The following PAX5 variants were observed in gnomAD, a reference collection of about 807,000 sequenced individuals.
The protein encoded by PAX5 is paired box protein Pax-5.
PAX5 carries 9 observed loss-of-function variants against 43.7 expected under a neutral mutation model. The observed-to-expected ratio is 0.21, with a 90% confidence interval of 0.12 to 0.36. The LOEUF (loss-of-function observed/expected upper bound fraction) is 0.36, where lower values mean the gene tolerates loss of function less well. Among genes scored for constraint, PAX5 ranks in the 10% least tolerant of loss-of-function variants. PAX5 has a pLI of 1.00. For synonymous variants in PAX5, 228 were observed against 214.3 expected, an observed-to-expected ratio of 1.06 and a Z score of -0.56; for missense variants, 383 against 532.7, an observed-to-expected ratio of 0.72 and a Z score of 2.77.
chr9:36,971,793 A>C (rs1261504617), intron 5 of PAX5, among the ~76,000 whole-genome samples: 2 of 152,226 alleles, frequency 1.3e-5, no homozygotes, highest in Admixed American at 1.3e-4. Context: ...AGGTTAAACC[A>C]ATGTTATTCA....
chr9:36,966,664 T>C lies in PAX5; in HGVS notation c.665A>G (p.Lys222Arg), dbSNP rs1834465075. ...HSLPGRDFLR[K>R]QMRGDLFTQQ... ...TGTGAACAAGTCTCCCCGCATCTGC[T>C]TCCGGAGGAAGTCTCTGCCCGGAAG... is the stretch of plus-strand genomic sequence containing the variant. The change falls in exon 6 of 10, where the codon AAG becomes AGG. Residue 222 changes from lysine to arginine, a missense_variant. Physicochemically the swap from Lys to Arg is conservative, Grantham distance 26 (BLOSUM62 2). Transcript: ENST00000358127. The C allele has an allele frequency of 6.2e-7, 1 of 1,614,206 alleles. No individual in the cohort carries two copies. Among genetic ancestry groups the C allele is most frequent in the Non-Finnish European group, 8.5e-7 (1 of 1,180,028 alleles).
At chr9:36,858,540 T>C (rs1449175083) in intron 8 of PAX5, among the ~76,000 whole-genome samples, 2 of 152,166 alleles carry the variant, frequency 1.3e-5, no homozygotes, top group Non-Finnish European at 1.5e-5. Context: ...TTGTTAAAAT[T>C]ATGAATCCAA....
At chr9:36,883,348 A>G (rs564797310) in intron 7 of PAX5, among the ~76,000 whole-genome samples, 4 of 152,202 alleles carry the variant, frequency 2.6e-5, no homozygotes, top group Non-Finnish European at 5.9e-5. Context: ...AAATGAACCC[A>G]GGGAAAGAAG....
chr9:36,946,679 G>A (rs913148509), intron 6 of PAX5, among the ~76,000 whole-genome samples: 1 of 152,200 alleles, frequency 6.6e-6, no homozygotes, highest in Non-Finnish European at 1.5e-5. Context: ...GGAAAACTAC[G>A]TGCTAGAGAT....
intron 8 of PAX5, among the ~76,000 whole-genome samples, chr9:36,880,042 A>C (rs1826266038): frequency 6.6e-6 from 1 of 152,254 alleles, no homozygotes; most frequent in African/African-American, 2.4e-5. Context: ...AAAAGTCATC[A>C]ATCAAGCTAG....
rs778536305 is a variant in PAX5, at chr9:37,020,842, T to C, written c.47-41A>G. The C allele has an allele frequency of 2.5e-6, 4 of 1,606,786 alleles. No individual in the cohort carries two copies. The African/African-American group carries it at 5.3e-5, about 21-fold the overall frequency. ...AACAAAAGGAAAGGGAAAGGGTAGT[T>C]AGAACCAGTCACATAGGAGAAGCAC... On this transcript the variant is annotated intron_variant, in intron 1 of 9. Coordinates refer to ENST00000358127, the MANE Select transcript of PAX5 (RefSeq NM_016734.3).
chr9:36,994,075 G>A (rs752846368), intron 5 of PAX5, among the ~76,000 whole-genome samples: 26 of 152,182 alleles, frequency 1.7e-4, no homozygotes, highest in Non-Finnish European at 2.5e-4. Flanking sequence ...AGGAGGAACC[G>A]AAACCTGAGC....
chr9:36,896,074 G>A (rs1827836608), intron 7 of PAX5, among the ~76,000 whole-genome samples: 2 of 152,164 alleles, frequency 1.3e-5, no homozygotes, highest in South Asian at 4.1e-4. Flanking sequence ...ACCCACCAGA[G>A]GGAGATCAGC....
intron 6 of PAX5, among the ~76,000 whole-genome samples, chr9:36,926,302 G>GA (rs765218543): frequency 3.0e-4 from 45 of 150,444 alleles, no homozygotes; most frequent in Non-Finnish European, 5.5e-4. Context: ...AAATGAAACT[G>GA]AAAAAAAAAT....
At position 36,842,294 on chromosome 9, in the gene PAX5, C is replaced by T. The variant is rs116216747; in HGVS notation, c.1100-1658G>A. On this transcript the variant is annotated intron_variant, in intron 9 of 9. Transcript: ENST00000358127. ...GCCCTTCACCCTGCCTGCAGGTGAG[C>T]CCAGAGGAAGGCGGGTGTGTGTGCA... Among the ~76,000 whole-genome samples the T allele has an allele frequency of 8.1e-3, 1,236 of 152,296 alleles. 15 individuals are homozygous for T. The highest frequency in any genetic ancestry group is 0.028 in the African/African-American group (1,145 of 41,572).
rs1826557371 is a variant in PAX5, at chr9:36,882,759, G to C, written c.911-654C>G. ...GTGCCAAACACTGTTCTGGCCCTGG[G>C]ACATGGAGGTTAAGGCCTCAGCCCT... On this transcript the variant is annotated intron_variant, in intron 7 of 9. Transcript: ENST00000358127. The surrounding 1 kb of genome is among the most constrained non-coding windows in gnomAD (Gnocchi z 4.4). Among the ~76,000 whole-genome samples the C allele has an allele frequency of 6.6e-6, 1 of 152,236 alleles. No homozygotes were observed. Among genetic ancestry groups the C allele is most frequent in the African/African-American group, 2.4e-5 (1 of 41,454 alleles).
chr9:37,020,388 C>A (rs1418087358), intron 2 of PAX5, among the ~76,000 whole-genome samples: 4 of 152,136 alleles, frequency 2.6e-5, no homozygotes, highest in South Asian at 2.1e-4. Flanking sequence ...TTCTTTAGAA[C>A]AATTCACCAG....
chr9:36,915,180 C>T (rs942981840), intron 7 of PAX5, among the ~76,000 whole-genome samples: 1 of 152,072 alleles, frequency 6.6e-6, no homozygotes, highest in African/African-American at 2.4e-5. Flanking sequence ...CCTAAAAGTA[C>T]GTATAAAAGT....
At chr9:36,970,115 G>T (rs1342923894) in intron 5 of PAX5, among the ~76,000 whole-genome samples, 1 of 152,166 alleles carries the variant, frequency 6.6e-6, no homozygotes, top group Non-Finnish European at 1.5e-5. Context: ...GTGATCACAG[G>T]AATAAACATA....
At chr9:36,993,128 G>A (rs2132337521) in intron 5 of PAX5, among the ~76,000 whole-genome samples, 1 of 152,330 alleles carries the variant, frequency 6.6e-6, no homozygotes, top group East Asian at 1.9e-4. Flanking sequence ...TCACAACGGA[G>A]TGAATACAGC....
chr9:36,985,843 C>A (rs1350984911), intron 5 of PAX5, among the ~76,000 whole-genome samples: 1 of 152,182 alleles, frequency 6.6e-6, no homozygotes. Context: ...TCCACCGGTG[C>A]AAGAGACAAA....
intron 5 of PAX5, among the ~76,000 whole-genome samples, chr9:36,977,284 C>T (rs552453707): frequency 7.9e-6 from 1 of 126,312 alleles, no homozygotes; most frequent in South Asian, 2.4e-4. Flanking sequence ...AAATAACTTG[C>T]CTAGTCACAA....
At chr9:36,912,723 C>T (rs1829402062) in intron 7 of PAX5, among the ~76,000 whole-genome samples, 1 of 152,176 alleles carries the variant, frequency 6.6e-6, no homozygotes, top group African/African-American at 2.4e-5. Context: ...AGAACGTCTG[C>T]TCTGAGGAAG....
intron 6 of PAX5, among the ~76,000 whole-genome samples, chr9:36,953,601 T>C (rs536245410): frequency 6.6e-6 from 1 of 152,312 alleles, no homozygotes; most frequent in South Asian, 2.1e-4. Flanking sequence ...GGTTTGGCTG[T>C]GTCCAGTCTA....
Sources: gnomAD v4.1 joint callset for allele counts (sites outside exome capture counted in the v4.1 genomes callset) on GRCh38, gnomAD v4.1.1 for gene constraint, Gnocchi (gnomAD v3.1) non-coding constraint, MANE v1.5 for transcripts, NCBI Gene and HGNC (gene_info 2026-07-23, HGNC 2026-07-21) for gene names.